ARID1B: variants seen among roughly 807,000 people sequenced by gnomAD.
ARID1B encodes the protein AT-rich interaction domain 1B, also known as AT-rich interactive domain-containing protein 1B.
ARID1B carries 30 observed loss-of-function variants against 212.3 expected under a neutral mutation model. The observed-to-expected ratio is 0.14, with a 90% CI of 0.11 to 0.19. The LOEUF (loss-of-function observed/expected upper bound fraction) is 0.19, where lower values mean the gene tolerates loss of function less well. Ranked by LOEUF, ARID1B falls within the 10% of genes least tolerant of loss-of-function variation. The pLI is 1.00. For synonymous variants in ARID1B, 1,402 were observed against 1,301.7 expected, an observed-to-expected ratio of 1.08 and a Z score of -1.66; for missense variants, 2,891 against 3,204.0, an observed-to-expected ratio of 0.90 and a Z score of 2.36.
At chr6:157,084,161 C>T (rs1372759943) in intron 4 of ARID1B, among the ~76,000 whole-genome samples, 1 of 146,006 alleles carries the variant, frequency 6.8e-6, no homozygotes, top group African/African-American at 2.5e-5. Flanking sequence ...AAAAAACTTT[C>T]TCATCACAAA....
intron 7 of ARID1B, among the ~76,000 whole-genome samples, chr6:157,139,969 C>T (rs1374796239): frequency 1.3e-5 from 2 of 151,920 alleles, no homozygotes; most frequent in Non-Finnish European, 2.9e-5. Context: ...AGTGATTCAC[C>T]CGCCTCAGCC....
chr6:156,894,940 G>C (rs1025070605), intron 2 of ARID1B, among the ~76,000 whole-genome samples: 1 of 152,158 alleles, frequency 6.6e-6, no homozygotes, highest in African/African-American at 2.4e-5. Flanking sequence ...GACATTCACC[G>C]AGCTCTTAGT....
At chr6:157,003,942 C>T (rs1368185992) in intron 4 of ARID1B, among the ~76,000 whole-genome samples, 1 of 152,036 alleles carries the variant, frequency 6.6e-6, no homozygotes, top group Non-Finnish European at 1.5e-5. Flanking sequence ...CAAGACCAGC[C>T]TGGACAACAT....
In ARID1B at chr6:157,201,681, G is replaced by C. The variant is rs1231592391; in HGVS notation, c.5263+193G>C. Among the ~76,000 whole-genome samples the C allele has an allele frequency of 6.6e-6, 1 of 152,178 alleles. No individual in the cohort carries two copies. The highest frequency in any genetic ancestry group is 1.5e-5 in the Non-Finnish European group (1 of 68,024). On this transcript the variant is annotated intron_variant, in intron 18 of 19. Transcript: ENST00000636930. This position sits in a 1 kb window ranked among gnomAD's most constrained non-coding sequence, Gnocchi z 5.2. Reference sequence around the variant, plus strand: ...CTGAATTAAGAAATAGTGCCAGAAAGATTGGCCGGGCGCGGTGGCTCATGC... The same window carrying C: ...CTGAATTAAGAAATAGTGCCAGAAACATTGGCCGGGCGCGGTGGCTCATGC...
intron 1 of ARID1B, among the ~76,000 whole-genome samples, chr6:156,823,629 T>C (rs1293367929): frequency 6.6e-6 from 1 of 151,736 alleles, no homozygotes; most frequent in Non-Finnish European, 1.5e-5. Flanking sequence ...AATCCACATG[T>C]GTAGAAATGA....
intron 2 of ARID1B, among the ~76,000 whole-genome samples, chr6:156,856,418 A>G (rs910557715): frequency 2.6e-5 from 4 of 152,150 alleles, no homozygotes; most frequent in African/African-American, 7.2e-5. Flanking sequence ...CTTCTTAGGA[A>G]TTCTAAGATG....
chr6:157,141,588 C>G (rs982242828), intron 7 of ARID1B, among the ~76,000 whole-genome samples: 1 of 152,088 alleles, frequency 6.6e-6, no homozygotes, highest in African/African-American at 2.4e-5. Flanking sequence ...TGTGATAGAT[C>G]TAAGTAGAAA....
chr6:156,991,806 A>G (rs572530967), intron 4 of ARID1B, among the ~76,000 whole-genome samples: 6 of 152,292 alleles, frequency 3.9e-5, no homozygotes, highest in Admixed American at 6.5e-5. Context: ...CAAAAGTTCT[A>G]TTGAAATGAG....
chr6:156,984,337 C>T (rs1777794922), intron 4 of ARID1B, among the ~76,000 whole-genome samples: 1 of 152,178 alleles, frequency 6.6e-6, no homozygotes, highest in Admixed American at 6.5e-5. Flanking sequence ...CTAGATGTCT[C>T]ATCAGAATGG....
At chr6:156,894,090 G>A (rs183125583) in intron 2 of ARID1B, among the ~76,000 whole-genome samples, 1 of 152,144 alleles carries the variant, frequency 6.6e-6, no homozygotes, top group Admixed American at 6.5e-5. Flanking sequence ...ACATTCCGTG[G>A]CCTTAAAACG....
rs2114993167 is a variant in ARID1B at position 156,779,004 on chromosome 6, G to A, written c.1324G>A (p.Gly442Arg). The change falls in exon 1 of 20, where the codon GGG becomes AGG. Residue 442 changes from glycine (G) to arginine (R), a missense_variant. Physicochemically the swap from Gly to Arg is moderately radical, Grantham distance 125. Transcript: ENST00000636930. Reference protein sequence around the residue: ...AAGGGGGGGYGGSSAGYGVLS... With the variant: ...AAGGGGGGGYRGSSAGYGVLS... ...AGGAGGCGGCGGCGGCGGCGGCTAT[G>A]GGGGCTCGTCCGCGGGGTACGGGGT... The A allele has an allele frequency of 6.3e-6, 8 of 1,268,696 alleles. No homozygotes were observed. The highest frequency in any genetic ancestry group is 7.9e-6 in the Non-Finnish European group (8 of 1,018,046). 78.6% of individuals were successfully genotyped at this position (1,268,696 alleles called of 1,614,324 possible).
chr6:156,843,996 G>A (rs1784071107), intron 2 of ARID1B, among the ~76,000 whole-genome samples: 1 of 149,762 alleles, frequency 6.7e-6, no homozygotes, highest in African/African-American at 2.6e-5. Context: ...GCTGGGTCTG[G>A]GGAGAGAGGC....
At chr6:157,068,772 G>T (rs980065140) in intron 4 of ARID1B, among the ~76,000 whole-genome samples, 1 of 152,192 alleles carries the variant, frequency 6.6e-6, no homozygotes, top group African/African-American at 2.4e-5. Context: ...GTACACAGAT[G>T]CATACAAACA....
intron 16 of ARID1B, among the ~76,000 whole-genome samples, chr6:157,198,095 G>A (rs540515125): frequency 3.2e-4 from 49 of 152,138 alleles, no homozygotes; most frequent in Non-Finnish European, 5.6e-4. Flanking sequence ...TTTAAAACAT[G>A]CTATTTTTTA....
intron 15 of ARID1B, among the ~76,000 whole-genome samples, chr6:157,191,846 G>A (rs571570227): frequency 1.3e-5 from 2 of 152,270 alleles, no homozygotes; most frequent in East Asian, 3.9e-4. Flanking sequence ...ACCTGTGTTG[G>A]GGTACATAAA....
intron 15 of ARID1B, chr6:157,195,964 C>T (rs747540033): frequency 7.8e-6 from 4 of 512,908 alleles, no homozygotes; most frequent in South Asian, 2.5e-5. Flanking sequence ...GGGAGGGTGA[C>T]GCAGGAGAAT....
intron 2 of ARID1B, among the ~76,000 whole-genome samples, chr6:156,860,290 T>A (rs979079415): frequency 6.6e-6 from 1 of 152,048 alleles, no homozygotes; most frequent in African/African-American, 2.4e-5. Context: ...ATAGATAATA[T>A]AGAGGAAGGA....
chr6:156,903,857 A>C (rs757812955), intron 3 of ARID1B, among the ~76,000 whole-genome samples: 115 of 152,268 alleles, frequency 7.6e-4, no homozygotes, highest in Non-Finnish European at 1.4e-3. Flanking sequence ...TTGCTTTTGT[A>C]TAAGGCAGGC....
At chr6:157,153,277 A>G (rs1209411324) in intron 8 of ARID1B, among the ~76,000 whole-genome samples, 1 of 152,146 alleles carries the variant, frequency 6.6e-6, no homozygotes, top group African/African-American at 2.4e-5. Context: ...GAATCTGGTG[A>G]ATCTTCTTGT....
Sources: allele counts gnomAD v4.1 joint callset (sites outside exome capture counted in the v4.1 genomes callset), GRCh38; gene constraint gnomAD v4.1.1; non-coding constraint Gnocchi (gnomAD v3.1); transcripts MANE v1.5; gene names NCBI Gene and HGNC (gene_info 2026-07-23, HGNC 2026-07-21).